GCA: variants seen among roughly 807,000 people sequenced by gnomAD.
GCA encodes grancalcin, EF-hand calcium-binding protein.
GCA carries 30 observed loss-of-function variants against 32.6 expected under a neutral mutation model. That is an observed-to-expected ratio of 0.92 (90% confidence interval 0.69 to 1.25). GCA has a LOEUF of 1.25. Ranked by LOEUF, GCA falls within the 50% of genes most tolerant of loss-of-function variation. The probability of loss-of-function intolerance (pLI) is 0.00; values close to 1 mark genes in which losing one functional copy is unlikely to be tolerated. For synonymous variants in GCA, 102 were observed against 84.6 expected (o/e 1.21, Z -1.13); for missense variants, 291 against 266.8 (o/e 1.09, Z -0.63).
In GCA at chr2:162,351,876, A is replaced by C. The variant is rs565054846; in HGVS notation, c.193-462A>C. Among the ~76,000 whole-genome samples the C allele has an allele frequency of 2.0e-5, 3 of 152,276 alleles. No homozygotes were observed. In the South Asian group the frequency reaches 6.2e-4, roughly 32 times the overall value. On this transcript the variant is annotated intron_variant, in intron 2 of 7. Coordinates refer to ENST00000437150, the MANE Select transcript of GCA (RefSeq NM_012198.5). ...AATCAGAAGAATAGCAGCAAGATACAGGGGGACTCTAGAATTTTGCTAGGG... is the reference window on the plus strand; with the variant it reads ...AATCAGAAGAATAGCAGCAAGATACCGGGGGACTCTAGAATTTTGCTAGGG...
intron 1 of GCA, among the ~76,000 whole-genome samples, chr2:162,338,226 C>T (rs191016809): frequency 1.3e-5 from 2 of 152,146 alleles, no homozygotes; most frequent in East Asian, 1.9e-4. Context: ...AATAATTGTA[C>T]ATAAATATGA....
At chr2:162,331,826 T>C (rs1395202654) in intron 1 of GCA, among the ~76,000 whole-genome samples, 1 of 152,212 alleles carries the variant, frequency 6.6e-6, no homozygotes, top group African/African-American at 2.4e-5. Context: ...GAAACTGGAT[T>C]ATGTTTTTTA....
At chr2:162,321,951 C>T (rs1445691599) in intron 1 of GCA, among the ~76,000 whole-genome samples, 1 of 127,604 alleles carries the variant, frequency 7.8e-6, no homozygotes, top group East Asian at 2.4e-4. Context: ...TACATATAAA[C>T]ACTATATAAT....
At chr2:162,350,263 A>C (rs985635728) in intron 2 of GCA, among the ~76,000 whole-genome samples, 4 of 152,032 alleles carry the variant, frequency 2.6e-5, no homozygotes, top group Non-Finnish European at 5.9e-5. Context: ...TGGAAAGGGG[A>C]CTTGAGGTAT....
At chr2:162,371,902 T>G, downstream of GCA, 2 of 1,613,850 alleles carry the variant, frequency 1.2e-6, no homozygotes, top group Non-Finnish European at 1.7e-6. Context: ...TAGGGATGAA[T>G]CTGGCAAAGA....
chr2:162,348,778 A>G (rs908963131), intron 2 of GCA, among the ~76,000 whole-genome samples: 10 of 152,106 alleles, frequency 6.6e-5, no homozygotes, highest in Admixed American at 6.6e-4. Flanking sequence ...AAGTGATTTT[A>G]TATATATTTT....
intron 1 of GCA, among the ~76,000 whole-genome samples, chr2:162,326,252 C>G (rs1683874203): frequency 6.6e-6 from 1 of 152,192 alleles, no homozygotes; most frequent in African/African-American, 2.4e-5. Flanking sequence ...GTCCTCAAGT[C>G]TACAGAAAAG....
chr2:162,361,277 C>T lies in GCA; in HGVS notation c.*1034C>T. ...GCAACTTTTCTGCGTGGTACTAAAACTGCCGAAAATGCGACGTAGAATCAC... is the reference window on the plus strand; with the variant it reads ...GCAACTTTTCTGCGTGGTACTAAAATTGCCGAAAATGCGACGTAGAATCAC... On this transcript the variant is annotated 3_prime_UTR_variant, in exon 8 of 8. Coordinates refer to ENST00000437150, the MANE Select transcript of GCA (RefSeq NM_012198.5). 1.0e-6 allele frequency: 1 copy of T among 984,706 alleles called. No individual in the cohort carries two copies. The highest frequency in any genetic ancestry group is 1.2e-6 in the Non-Finnish European group (1 of 829,496). 61.0% of individuals were successfully genotyped at this position (984,706 alleles called of 1,614,324 possible).
chr2:162,319,989 C>A (rs1683605873), intron 1 of GCA, among the ~76,000 whole-genome samples: 1 of 152,174 alleles, frequency 6.6e-6, no homozygotes, highest in African/African-American at 2.4e-5. Context: ...CTCTAATTAT[C>A]TTATGTAGCA....
chr2:162,371,737 C>T, downstream of GCA: 1 of 1,204,506 alleles, frequency 8.3e-7, no homozygotes. Context: ...ACCTTGTGAG[C>T]CCCTGAGTCA....
downstream of GCA, among the ~76,000 whole-genome samples, chr2:162,374,193 G>A (rs1686076787): frequency 2.6e-5 from 4 of 152,150 alleles, no homozygotes; most frequent in South Asian, 8.3e-4. Context: ...TTTCTTTAAT[G>A]TTTAATGCTG....
chr2:162,354,618 C>T (rs922849558), intron 3 of GCA, among the ~76,000 whole-genome samples: 18 of 152,198 alleles, frequency 1.2e-4, no homozygotes, highest in African/African-American at 4.3e-4. Context: ...TTCACACCCA[C>T]TTTCAGAAGT....
intron 5 of GCA, 94 bp downstream of exon 5, chr2:162,356,999 G>T (rs1298844603): frequency 1.8e-5 from 16 of 878,776 alleles, no homozygotes; most frequent in Non-Finnish European, 2.7e-5. Flanking sequence ...CTAATAAAGG[G>T]ATGTATTTTT....
At chr2:162,349,560 TG>T (rs1298025084) in intron 2 of GCA, among the ~76,000 whole-genome samples, 1 of 152,096 alleles carries the variant, frequency 6.6e-6, no homozygotes, top group Non-Finnish European at 1.5e-5. Context: ...TTTAACAATT[TG>T]GGGGGAAAGT....
At chr2:162,352,632 A>C (rs1186112404) in intron 3 of GCA, among the ~76,000 whole-genome samples, 3 of 152,170 alleles carry the variant, frequency 2.0e-5, no homozygotes, top group Non-Finnish European at 2.9e-5. Flanking sequence ...GACTTTTAAA[A>C]ATCTGATTCT....
In GCA at chr2:162,361,099, TAAAC is replaced by T. The variant is rs1432167732; in HGVS notation, c.*859_*862del. 19 of 950,066 alleles carry T rather than the reference TAAAC, an allele frequency of 2.0e-5. No homozygotes were observed. In the African/African-American group the frequency reaches 2.6e-4, roughly 13 times the overall value. The allele number at this position is 950,066 out of a possible 1,614,324, so 58.9% of individuals were successfully genotyped here. A position where few individuals can be genotyped will look rare whatever the true frequency, so the allele number is the denominator to read the frequency against. The stretch of plus-strand genomic sequence containing the variant: ...TGTCAACTCTTTATAAACTTAAAAA[TAAAC>T]AAGTAATTAACCACTCTAATTGTTC... On this transcript the variant is annotated 3_prime_UTR_variant, in exon 8 of 8. Coordinates refer to ENST00000437150, the MANE Select transcript of GCA (RefSeq NM_012198.5).
At chr2:162,371,273 T>C in intron 4 of GCA, 1 of 1,181,364 alleles carries the variant, frequency 8.5e-7, no homozygotes, top group South Asian at 1.3e-5. Flanking sequence ...CTGTCAGAGG[T>C]TTACAACTCA....
chr2:162,371,933 C>G (rs142210415), downstream of GCA: 7 of 1,613,734 alleles, frequency 4.3e-6, no homozygotes, highest in Non-Finnish European at 5.9e-6. Context: ...ATTGGATGAA[C>G]GTAAGTTTTT....
In GCA at chr2:162,356,787, T is replaced by A. The variant is rs768984156; in HGVS notation, c.336T>A (p.Asn112Lys). The A allele has an allele frequency of 1.9e-6, 3 of 1,608,566 alleles. No homozygotes were observed. The highest frequency in any genetic ancestry group is 2.6e-6 in the Non-Finnish European group (3 of 1,176,334). ...ATCACACAGGAAAAATGGGATTTAA[T>A]GCATTCAAAGAGCTATGGGCAGCTC... is the stretch of plus-strand genomic sequence containing the variant. ...DRDHTGKMGFNAFKELWAALN... is the reference protein window; with the variant it reads ...DRDHTGKMGFKAFKELWAALN... Residue 112 changes from asparagine (N) to lysine (K), a missense_variant, in exon 5 of 8, where the codon AAT (asparagine) becomes AAA (lysine). Asn to Lys is a moderately conservative substitution (Grantham distance 94). Transcript: ENST00000437150.
Sources: allele counts gnomAD v4.1 joint callset (sites outside exome capture counted in the v4.1 genomes callset), GRCh38; gene constraint gnomAD v4.1.1; transcripts MANE v1.5; gene names NCBI Gene and HGNC (gene_info 2026-07-23, HGNC 2026-07-21).